NFIA: variants seen among roughly 807,000 people sequenced by gnomAD.
NFIA encodes the protein nuclear factor 1 A-type.
NFIA carries 8 observed loss-of-function variants against 62.8 expected under a neutral mutation model. The observed-to-expected ratio is 0.13, with a 90% confidence interval of 0.07 to 0.23. The LOEUF is 0.23. Among genes scored for constraint, NFIA ranks in the 10% least tolerant of loss-of-function variants. The probability of loss-of-function intolerance (pLI) is 1.00; values close to 1 mark genes in which losing one functional copy is unlikely to be tolerated. For synonymous variants in NFIA, 235 were observed against 238.1 expected (o/e 0.99, Z 0.12); for missense variants, 410 against 642.1 (o/e 0.64, Z 3.91).
intron 6 of NFIA, among the ~76,000 whole-genome samples, chr1:61,374,348 G>A (rs561650835): frequency 1.3e-5 from 2 of 151,928 alleles, no homozygotes; most frequent in Non-Finnish European, 2.9e-5. Flanking sequence ...ATGGCTAGGG[G>A]GCAGATGGAA....
intron 7 of NFIA, among the ~76,000 whole-genome samples, chr1:61,401,374 A>G (rs765162138): frequency 4.6e-5 from 7 of 152,218 alleles, no homozygotes; most frequent in African/African-American, 7.2e-5. Context: ...TTTTTAGTAA[A>G]ATAAAAAACG....
At chr1:61,140,892 C>G (rs1021909230) in intron 2 of NFIA, among the ~76,000 whole-genome samples, 1 of 150,864 alleles carries the variant, frequency 6.6e-6, no homozygotes, top group Non-Finnish European at 1.5e-5. Flanking sequence ...ACAAGATTAA[C>G]AGGGGCCAGC....
At chr1:61,277,650 G>A (rs1261809031) in intron 3 of NFIA, 65 bp downstream of exon 3, 2 of 1,557,910 alleles carry the variant, frequency 1.3e-6, no homozygotes, top group Non-Finnish European at 8.8e-7. Context: ...GGCCGACTAA[G>A]TGTGAGGATT....
chr1:61,217,575 G>A (rs1653714774), intron 2 of NFIA, among the ~76,000 whole-genome samples: 1 of 152,172 alleles, frequency 6.6e-6, no homozygotes, highest in Non-Finnish European at 1.5e-5. Context: ...CTGAAGTCAA[G>A]AGGGGAAGGA....
intron 2 of NFIA, among the ~76,000 whole-genome samples, chr1:61,111,126 C>T (rs1280757251): frequency 2.6e-5 from 4 of 152,078 alleles, no homozygotes; most frequent in Non-Finnish European, 5.9e-5. Context: ...AAATAGTTTT[C>T]CTCACAGTCC....
chr1:61,123,691 G>A (rs1217797699), intron 2 of NFIA, among the ~76,000 whole-genome samples: 1 of 39,062 alleles, frequency 2.6e-5, no homozygotes, highest in East Asian at 8.4e-4. Flanking sequence ...ATCCAGTGAG[G>A]GGGGAAGGCT....
chr1:61,136,743 G>A (rs1047565853), intron 2 of NFIA, among the ~76,000 whole-genome samples: 1 of 150,822 alleles, frequency 6.6e-6, no homozygotes, highest in Non-Finnish European at 1.5e-5. Context: ...GGCTGACTTG[G>A]AAGTTTTGGC....
intron 2 of NFIA, among the ~76,000 whole-genome samples, chr1:61,259,984 C>T (rs1309107448): frequency 6.6e-6 from 1 of 152,112 alleles, no homozygotes; most frequent in African/African-American, 2.4e-5. Context: ...TTTGAGATTG[C>T]AATAGCTCAT....
chr1:61,299,898 T>C (rs187534266), intron 3 of NFIA, among the ~76,000 whole-genome samples: 47 of 150,190 alleles, frequency 3.1e-4, no homozygotes, highest in African/African-American at 1.1e-3. Flanking sequence ...TTTTTACTTC[T>C]GTTTGTTATG....
At chr1:61,341,616 C>A (rs1029926594) in intron 4 of NFIA, among the ~76,000 whole-genome samples, 2 of 152,042 alleles carry the variant, frequency 1.3e-5, no homozygotes, top group African/African-American at 4.8e-5. Context: ...TAGCCGGGAC[C>A]ACAGGCACGC....
chr1:61,301,271 T>C (rs1197674280), intron 3 of NFIA, among the ~76,000 whole-genome samples: 1 of 152,176 alleles, frequency 6.6e-6, no homozygotes, highest in East Asian at 1.9e-4. Flanking sequence ...AATACAAAAG[T>C]GTAACTCAAT....
At position 61,456,384 on chromosome 1, in the gene NFIA, A is replaced by AC. The variant is rs1487864510; in HGVS notation, c.*1064_*1065insC. The AC allele has an allele frequency of 2.0e-5, 3 of 152,090 alleles. No homozygotes were observed. The highest frequency in any genetic ancestry group is 3.4e-3 in the Middle Eastern group (1 of 290). The allele number at this position is 152,090 out of a possible 1,614,324, so 9.4% of individuals were successfully genotyped here. On this transcript the variant is annotated 3_prime_UTR_variant, in exon 11 of 11. Coordinates refer to ENST00000403491, the MANE Select transcript of NFIA (RefSeq NM_001134673.4). ...AAAACTGAAGGAAATTAAAAAAAAA[A>AC]AACAAAAAAACAAATCTAATGGTGC...
At chr1:61,256,198 C>T (rs1210003936) in intron 2 of NFIA, among the ~76,000 whole-genome samples, 7 of 151,908 alleles carry the variant, frequency 4.6e-5, no homozygotes, top group African/African-American at 7.3e-5. Flanking sequence ...GAGGCCAAGG[C>T]GGGTGGATCA....
intron 3 of NFIA, among the ~76,000 whole-genome samples, chr1:61,315,559 T>C (rs983836336): frequency 5.3e-5 from 8 of 152,164 alleles, no homozygotes; most frequent in Admixed American, 2.0e-4. Flanking sequence ...GTAGCAGCCA[T>C]TGGCTCTTAA....
chr1:61,175,305 CTAATTTTTG>C (rs1650263966), intron 2 of NFIA, among the ~76,000 whole-genome samples: 1 of 152,120 alleles, frequency 6.6e-6, no homozygotes, highest in East Asian at 1.9e-4. Flanking sequence ...CCACACCCAT[CTAATTTTTG>C]TATTTTTTGT....
intron 7 of NFIA, among the ~76,000 whole-genome samples, chr1:61,392,220 CT>C (rs200267290): frequency 1.5e-4 from 22 of 146,626 alleles, no homozygotes; most frequent in Middle Eastern, 3.4e-3. Flanking sequence ...CAGCTTTTTT[CT>C]TTTTTTTTTG....
At chr1:61,222,405 C>T (rs1654073487) in intron 2 of NFIA, among the ~76,000 whole-genome samples, 2 of 152,032 alleles carry the variant, frequency 1.3e-5, no homozygotes, top group Non-Finnish European at 2.9e-5. Context: ...AGCATATTTT[C>T]AACCTGTTTG....
rs778290050 is a variant in NFIA at position 61,277,507 on chromosome 1, TTA to T, written c.560-11_560-10del. On this transcript the variant is annotated splice_polypyrimidine_tract_variant and intron_variant, in intron 2 of 10. Coordinates refer to ENST00000403491, the MANE Select transcript of NFIA (RefSeq NM_001134673.4). ...GACCCTGTAATTTTTGGCTGTATTT[TTA>T]TGTTTTTCAGATTCAAGTCAATCTG... 1 of 1,613,604 alleles carries T rather than the reference TTA, an allele frequency of 6.2e-7. No individual in the cohort carries two copies.
At chr1:61,183,677 C>A (rs906821614) in intron 2 of NFIA, among the ~76,000 whole-genome samples, 4 of 152,200 alleles carry the variant, frequency 2.6e-5, no homozygotes, top group African/African-American at 9.6e-5. Flanking sequence ...GGCAGCCACA[C>A]AGGGCTGCTT....
Sources: gnomAD v4.1 joint callset for allele counts (sites outside exome capture counted in the v4.1 genomes callset) on GRCh38, gnomAD v4.1.1 for gene constraint, MANE v1.5 for transcripts, NCBI Gene and HGNC (gene_info 2026-07-23, HGNC 2026-07-21) for gene names.